Variants in GYPC observed in about 807,000 individuals in gnomAD.
GYPC encodes the protein glycophorin-C.
In GYPC, 14 loss-of-function variants were observed where a neutral mutation model predicts 12.6. The ratio of observed to expected loss-of-function variants is 1.11; its 90% CI spans 0.74 to 1.74. GYPC has a LOEUF of 1.74. Among genes scored for constraint, GYPC ranks in the 40% most tolerant of loss-of-function variants. GYPC has a pLI of 0.00. For synonymous variants in GYPC, 78 were observed against 62.1 expected, an observed-to-expected ratio of 1.26 and a Z score of -1.20; for missense variants, 225 against 172.1, an observed-to-expected ratio of 1.31 and a Z score of -1.72.
intron 1 of GYPC, among the ~76,000 whole-genome samples, chr2:126,673,944 C>A (rs1682922178): frequency 6.6e-6 from 1 of 152,160 alleles, no homozygotes; most frequent in Non-Finnish European, 1.5e-5. Flanking sequence ...CCTGAGGGCT[C>A]CCAAGTCCTT....
At chr2:126,693,205 G>A (rs2077378) in intron 2 of GYPC, among the ~76,000 whole-genome samples, 1,711 of 123,490 alleles carry the variant, frequency 0.014, no homozygotes, top group African/African-American at 0.027. Context: ...TCTAGCTGTC[G>A]TGAGACTGGA....
intron 1 of GYPC, among the ~76,000 whole-genome samples, chr2:126,672,928 C>T (rs1258790740): frequency 6.6e-6 from 1 of 152,146 alleles, no homozygotes; most frequent in Non-Finnish European, 1.5e-5. Context: ...CGGCCTCACA[C>T]AGCTCAGGCT....
intron 1 of GYPC, chr2:126,678,281 GC>G (rs1407899347): frequency 1.3e-5 from 2 of 152,290 alleles, no homozygotes; most frequent in African/African-American, 2.4e-5. Context: ...AAAAATAAAT[GC>G]CCCCCTTCTT....
intron 1 of GYPC, chr2:126,686,638 C>G: frequency 3.0e-6 from 3 of 984,610 alleles, no homozygotes; most frequent in Non-Finnish European, 3.6e-6. Context: ...TGTGGAGCTT[C>G]CTGTCTGGTA....
rs112939311 is a variant in GYPC at position 126,694,520 on chromosome 2, A to T, written c.190+573A>T. The stretch of plus-strand genomic sequence containing the variant: ...CTCAGCAGCTTATTAATAACTCAGG[A>T]AACATCTACAATTTGAAAAGAAAGA... On this transcript the variant is annotated intron_variant, in intron 3 of 3. Transcript: ENST00000259254. Among the ~76,000 whole-genome samples the T allele has an allele frequency of 3.9e-3, 599 of 152,184 alleles. 1 individual carries two copies. Among genetic ancestry groups the T allele is most frequent in the Admixed American group, 6.1e-3 (94 of 15,304 alleles).
chr2:126,683,803 C>T (rs1238888497), intron 1 of GYPC, among the ~76,000 whole-genome samples: 1 of 152,202 alleles, frequency 6.6e-6, no homozygotes, highest in African/African-American at 2.4e-5. Context: ...TCCAGCAAGA[C>T]TCCAAGATGT....
intron 1 of GYPC, among the ~76,000 whole-genome samples, chr2:126,689,317 G>A (rs181667960): frequency 6.6e-5 from 10 of 152,314 alleles, no homozygotes; most frequent in East Asian, 3.9e-4. Context: ...ACGTCTCTGA[G>A]CCTTGGTGTT....
chr2:126,666,763 A>C (rs1682693697), intron 1 of GYPC, among the ~76,000 whole-genome samples: 1 of 148,586 alleles, frequency 6.7e-6, no homozygotes, highest in Non-Finnish European at 1.5e-5. Context: ...ACACATATGC[A>C]CGCACACACA....
chr2:126,671,192 G>A (rs1292301580), intron 1 of GYPC, among the ~76,000 whole-genome samples: 1 of 152,184 alleles, frequency 6.6e-6, no homozygotes, highest in African/African-American at 2.4e-5. Flanking sequence ...CTGCTAGCGG[G>A]TAGGAGGGGC....
intron 1 of GYPC, among the ~76,000 whole-genome samples, chr2:126,663,148 C>T (rs975705822): frequency 6.6e-6 from 1 of 152,252 alleles, no homozygotes; most frequent in Non-Finnish European, 1.5e-5. Flanking sequence ...AGCAATTCTC[C>T]TGCCTCAGCC....
At chr2:126,685,390 C>T (rs1005481805) in intron 1 of GYPC, among the ~76,000 whole-genome samples, 3 of 145,896 alleles carry the variant, frequency 2.1e-5, no homozygotes, top group African/African-American at 5.1e-5. Flanking sequence ...TTCTTTCTTT[C>T]TTTTTTTTTT....
chr2:126,693,157 A>G (rs1161447434), intron 2 of GYPC, among the ~76,000 whole-genome samples: 1 of 152,264 alleles, frequency 6.6e-6, no homozygotes, highest in African/African-American at 2.4e-5. Context: ...CAGATCCCTC[A>G]TGCATACATT....
chr2:126,659,542 G>C (rs1367458553), intron 1 of GYPC, among the ~76,000 whole-genome samples: 1 of 152,168 alleles, frequency 6.6e-6, no homozygotes, highest in Non-Finnish European at 1.5e-5. Flanking sequence ...CAGCAGAAGG[G>C]CCTGGACCTG....
At chr2:126,658,064 T>TGCGCGTGA (rs1241454146) in intron 1 of GYPC, 1 of 152,304 alleles carries the variant, frequency 6.6e-6, no homozygotes, top group Non-Finnish European at 1.5e-5. Flanking sequence ...CCACAGTTAC[T>TGCGCGTGA]GCGCGTGAGT....
intron 1 of GYPC, among the ~76,000 whole-genome samples, chr2:126,669,851 A>G (rs958136362): frequency 6.6e-6 from 1 of 151,994 alleles, no homozygotes; most frequent in Non-Finnish European, 1.5e-5. Context: ...AACTCTCTTC[A>G]TGGTCCTAAT....
At chr2:126,693,711 C>G (rs944103840) in intron 2 of GYPC, among the ~76,000 whole-genome samples, 153 bp from the exon 3 acceptor site, 3 of 152,176 alleles carry the variant, frequency 2.0e-5, no homozygotes, top group Admixed American at 6.6e-5. Context: ...TGCATCCCTG[C>G]TAGGAGCAGT....
intron 1 of GYPC, among the ~76,000 whole-genome samples, chr2:126,680,921 G>C (rs1291026242): frequency 6.6e-6 from 1 of 152,200 alleles, no homozygotes; most frequent in African/African-American, 2.4e-5. Context: ...CCAAGCAGGT[G>C]CAGGCATCCA....
chr2:126,691,047 T>A (rs1441522577), intron 2 of GYPC, among the ~76,000 whole-genome samples: 1 of 152,022 alleles, frequency 6.6e-6, no homozygotes. Context: ...GAGCTTTTAT[T>A]CTTCCTAGGT....
chr2:126,689,212 A>AG (rs991072389), intron 1 of GYPC, among the ~76,000 whole-genome samples: 1 of 152,090 alleles, frequency 6.6e-6, no homozygotes, highest in Admixed American at 6.5e-5. Flanking sequence ...AGCCCTGGGA[A>AG]GGGCTTCTCC....
Sources: allele counts gnomAD v4.1 joint callset (sites outside exome capture counted in the v4.1 genomes callset), GRCh38; gene constraint gnomAD v4.1.1; transcripts MANE v1.5; gene names NCBI Gene and HGNC (gene_info 2026-07-23, HGNC 2026-07-21).